The following LINGO2 variants were observed in gnomAD, a reference collection of about 807,000 sequenced individuals.
The protein encoded by LINGO2 is leucine rich repeat and Ig domain containing 2, also known as leucine-rich repeat and immunoglobulin-like domain-containing nogo receptor-interacting protein 2.
LINGO2 carries 14 observed loss-of-function variants against 30.6 expected under a neutral mutation model. The observed-to-expected ratio is 0.46, with a 90% confidence interval of 0.30 to 0.72. LINGO2 has a LOEUF of 0.72. Among genes scored for constraint, LINGO2 ranks in the 30% least tolerant of loss-of-function variants. The pLI is 0.07. For missense variants in LINGO2, 729 were observed against 751.7 expected, an observed-to-expected ratio of 0.97 and a Z score of 0.35; for synonymous variants, 317 against 288.5, an observed-to-expected ratio of 1.10 and a Z score of -1.00.
At chr9:27,985,194 A>G (rs1821067492) in intron 5 of LINGO2, among the ~76,000 whole-genome samples, 1 of 151,920 alleles carries the variant, frequency 6.6e-6, no homozygotes, top group Non-Finnish European at 1.5e-5. Context: ...GAGTGTCATA[A>G]CACATCAACC....
At chr9:28,057,594 T>TATATATACAC (rs1414389292) in intron 4 of LINGO2, among the ~76,000 whole-genome samples, 1 of 147,044 alleles carries the variant, frequency 6.8e-6, no homozygotes, top group Non-Finnish European at 1.5e-5. Flanking sequence ...TGTATATACA[T>TATATATACAC]ATATATACAC....
intron 4 of LINGO2, among the ~76,000 whole-genome samples, chr9:28,150,543 C>T (rs1374210762): frequency 6.6e-6 from 1 of 152,098 alleles, no homozygotes; most frequent in Non-Finnish European, 1.5e-5. Flanking sequence ...GAGATCGCAC[C>T]ACTGCACTCC....
chr9:28,508,351 C>G (rs762599544), intron 1 of LINGO2, among the ~76,000 whole-genome samples: 33 of 152,116 alleles, frequency 2.2e-4, no homozygotes, highest in African/African-American at 4.3e-4. Context: ...GTTGAGTAAT[C>G]TTTTACTCAG....
chr9:28,539,931 G>A (rs997611541), intron 1 of LINGO2, among the ~76,000 whole-genome samples: 1 of 151,912 alleles, frequency 6.6e-6, no homozygotes, highest in Non-Finnish European at 1.5e-5. Context: ...GATCCCACAG[G>A]CTCCACTAGC....
the LINGO2 span, among the ~76,000 whole-genome samples, chr9:29,046,146 T>A: frequency 6.6e-6 from 1 of 152,176 alleles, no homozygotes; most frequent in Non-Finnish European, 1.5e-5. Context: ...CTGATTGCTC[T>A]GGCTAGGACT....
At chr9:28,120,380 T>A (rs1027135393) in intron 4 of LINGO2, among the ~76,000 whole-genome samples, 1 of 152,224 alleles carries the variant, frequency 6.6e-6, no homozygotes, top group African/African-American at 2.4e-5. Context: ...ACAATCTGAA[T>A]GAAGGAGCTC....
At chr9:28,096,386 A>T (rs374851112) in intron 4 of LINGO2, among the ~76,000 whole-genome samples, 3 of 152,174 alleles carry the variant, frequency 2.0e-5, no homozygotes, top group Non-Finnish European at 4.4e-5. Flanking sequence ...AATTTATGGT[A>T]AATTTTAGCT....
At chr9:28,517,882 C>T (rs1820684451) in intron 1 of LINGO2, among the ~76,000 whole-genome samples, 1 of 152,106 alleles carries the variant, frequency 6.6e-6, no homozygotes, top group Non-Finnish European at 1.5e-5. Context: ...GATTCAAATG[C>T]CACAAGTGCT....
intron 1 of LINGO2, among the ~76,000 whole-genome samples, chr9:28,514,833 C>T (rs1416197234): frequency 6.6e-6 from 1 of 152,170 alleles, no homozygotes; most frequent in East Asian, 1.9e-4. Context: ...GTAGACAAAA[C>T]AGCAGCTGTT....
the LINGO2 span, among the ~76,000 whole-genome samples, chr9:29,165,971 G>T: frequency 1.3e-5 from 2 of 152,008 alleles, no homozygotes; most frequent in Non-Finnish European, 2.9e-5. Flanking sequence ...AAATAAAATT[G>T]TGTATACTTA....
At chr9:28,141,162 A>C (rs535810359) in intron 4 of LINGO2, among the ~76,000 whole-genome samples, 1 of 152,172 alleles carries the variant, frequency 6.6e-6, no homozygotes, top group East Asian at 1.9e-4. Context: ...TTCTGTCATG[A>C]TATTAGCTGG....
chr9:29,181,545 A>G, the LINGO2 span, among the ~76,000 whole-genome samples: 1 of 152,216 alleles, frequency 6.6e-6, no homozygotes, highest in African/African-American at 2.4e-5. Flanking sequence ...CTTCCATGAT[A>G]ATATGAGGAC....
chr9:28,877,257 T>G, the LINGO2 span, among the ~76,000 whole-genome samples: 20 of 152,114 alleles, frequency 1.3e-4, 1 homozygote, highest in African/African-American at 4.6e-4. Flanking sequence ...TTAGTTTAAT[T>G]AGATCCCATT....
chr9:28,242,266 A>G lies in LINGO2; in HGVS notation c.-87+52942T>C, dbSNP rs972553136. ...AGGTGGTAACTAGAAGAACCAGTTC[A>G]GATAGAAACATAAATGACCAACGGA... On this transcript the variant is annotated intron_variant, in intron 4 of 5. Transcript: ENST00000379992. Among the ~76,000 whole-genome samples, 83 of 152,302 alleles carry G rather than the reference A, an allele frequency of 5.4e-4. 1 individual carries two copies. The highest frequency in any genetic ancestry group is 5.3e-3 in the Admixed American group (81 of 15,308).
chr9:29,093,077 A>G, the LINGO2 span, among the ~76,000 whole-genome samples: 2 of 128,214 alleles, frequency 1.6e-5, 1 homozygote, highest in Non-Finnish European at 3.3e-5. Flanking sequence ...AGAGACAGAG[A>G]GAGGGACAGA....
intron 3 of LINGO2, among the ~76,000 whole-genome samples, chr9:28,356,601 CT>C (rs1820219065): frequency 6.6e-6 from 1 of 152,092 alleles, no homozygotes; most frequent in Non-Finnish European, 1.5e-5. Context: ...TTCCACAATC[CT>C]AAGCAAAACG....
At chr9:28,090,301 G>A (rs1399239802) in intron 4 of LINGO2, among the ~76,000 whole-genome samples, 9 of 152,234 alleles carry the variant, frequency 5.9e-5, no homozygotes, top group Non-Finnish European at 1.2e-4. Flanking sequence ...GAACATCGAT[G>A]CAAAAATCCT....
chr9:29,162,092 G>A, the LINGO2 span, among the ~76,000 whole-genome samples: 1 of 151,968 alleles, frequency 6.6e-6, no homozygotes, highest in Non-Finnish European at 1.5e-5. Flanking sequence ...GCTAATTTTT[G>A]TATTTTGGGT....
At position 28,294,525 on chromosome 9, in the gene LINGO2, TA is replaced by T. The variant is rs142330120; in HGVS notation, c.-87+682del. 1.7e-3 allele frequency among the ~76,000 whole-genome samples: 254 copies of T among 152,226 alleles called. 1 individual carries two copies. Among genetic ancestry groups the T allele is most frequent in the African/African-American group, 5.7e-3 (238 of 41,562 alleles). On this transcript the variant is annotated intron_variant, in intron 4 of 5. Transcript: ENST00000379992. ...TGGACAACATATTTAATTTATGTTG[TA>T]GGGGAGGAAGCGAGTTAAAGAGAGA...
Sources: gnomAD v4.1 joint callset for allele counts (sites outside exome capture counted in the v4.1 genomes callset) on GRCh38, gnomAD v4.1.1 for gene constraint, MANE v1.5 for transcripts, NCBI Gene and HGNC (gene_info 2026-07-23, HGNC 2026-07-21) for gene names.